Variants in TMEM63C observed in about 807,000 individuals in gnomAD.
TMEM63C encodes the protein transmembrane protein 63C, also known as osmosensitive cation channel TMEM63C.
Under a neutral mutation model 99.2 loss-of-function variants are expected in TMEM63C, and 32 were observed. The observed-to-expected ratio is 0.32, with a 90% CI of 0.24 to 0.43. The LOEUF is 0.43. Among genes scored for constraint, TMEM63C ranks in the 20% least tolerant of loss-of-function variants. The probability of loss-of-function intolerance (pLI) is 1.00; values close to 1 mark genes in which losing one functional copy is unlikely to be tolerated. For synonymous variants in TMEM63C, 376 were observed against 397.9 expected (o/e 0.94, Z 0.66); for missense variants, 826 against 1,053.0 (o/e 0.78, Z 2.98).
At chr14:77,224,439 G>A (rs1371709017) in intron 5 of TMEM63C, among the ~76,000 whole-genome samples, 1 of 152,006 alleles carries the variant, frequency 6.6e-6, no homozygotes, top group Non-Finnish European at 1.5e-5. Context: ...GACCCAAATG[G>A]GGCCAATCTA....
intron 15 of TMEM63C, among the ~76,000 whole-genome samples, chr14:77,244,081 C>A (rs1310019938): frequency 6.6e-6 from 1 of 152,076 alleles, no homozygotes; most frequent in African/African-American, 2.4e-5. Context: ...GCACTCCTGG[C>A]TAGCTCTGGC....
Position 77,242,937 on chromosome 14 carries a change from G to T in TMEM63C, c.1222G>T (p.Ala408Ser), listed in dbSNP as rs879128335. 6.2e-7 allele frequency: 1 copy of T among 1,613,980 alleles called. No individual in the cohort carries two copies. Among genetic ancestry groups the T allele is most frequent in the Non-Finnish European group, 8.5e-7 (1 of 1,179,896 alleles). ...HLSVRRFFWW[A>S]RFIAINTFLF... ...GTCTGTCCGCCGCTTCTTTTGGTGG[G>T]CCCGCTTTATCGCAATCAACACCTT... Residue 408 changes from alanine to serine, a missense_variant, in exon 15 of 24, where the codon GCC (alanine) becomes TCC (serine). Ala to Ser is a moderately conservative substitution (Grantham distance 99). Coordinates refer to ENST00000298351, the MANE Select transcript of TMEM63C (RefSeq NM_020431.4).
At chr14:77,238,239 G>A (rs1889094849) in intron 9 of TMEM63C, among the ~76,000 whole-genome samples, 1 of 152,222 alleles carries the variant, frequency 6.6e-6, no homozygotes, top group South Asian at 2.1e-4. Context: ...TCTCACGTGA[G>A]GGATTTCCCT....
intron 1 of TMEM63C, among the ~76,000 whole-genome samples, chr14:77,191,440 G>A (rs1888102680): frequency 6.6e-6 from 1 of 151,980 alleles, no homozygotes; most frequent in Admixed American, 6.6e-5. Flanking sequence ...CTGCTGTTTG[G>A]AGGAGTTTTT....
rs558667462 is a variant in TMEM63C, at chr14:77,192,626, G to A, written c.-77+10732G>A. ...AAAAGAAAGAAGAAAGCCAGGGGTG[G>A]TGGTGCGTGCCTGTAGTTGCAGCTA... is the stretch of plus-strand genomic sequence containing the variant. On this transcript the variant is annotated intron_variant, in intron 1 of 23. Coordinates refer to ENST00000298351, the MANE Select transcript of TMEM63C (RefSeq NM_020431.4). Among the ~76,000 whole-genome samples, 11 of 152,294 alleles carry A rather than the reference G, an allele frequency of 7.2e-5. No homozygotes were observed. In the South Asian group the frequency reaches 2.1e-3, roughly 29 times the overall value.
chr14:77,229,475 G>A (rs562440839), intron 6 of TMEM63C, among the ~76,000 whole-genome samples: 245 of 150,226 alleles, frequency 1.6e-3, no homozygotes, highest in African/African-American at 5.8e-3. Flanking sequence ...GTCTTGCTCT[G>A]TTCCCCAGGT....
intron 1 of TMEM63C, among the ~76,000 whole-genome samples, chr14:77,187,879 C>A (rs1594847066): frequency 6.6e-6 from 1 of 152,238 alleles, no homozygotes; most frequent in Non-Finnish European, 1.5e-5. Context: ...TAAGCCCAAC[C>A]CATCTTCTCC....
chr14:77,233,161 G>A (rs1475035066), intron 7 of TMEM63C, among the ~76,000 whole-genome samples: 3 of 152,186 alleles, frequency 2.0e-5, no homozygotes, highest in African/African-American at 7.2e-5. Context: ...GATGGCTGGT[G>A]CCTCCAACAA....
intron 1 of TMEM63C, among the ~76,000 whole-genome samples, chr14:77,212,761 C>T (rs1273021652): frequency 1.3e-5 from 2 of 152,146 alleles, no homozygotes; most frequent in Non-Finnish European, 2.9e-5. Flanking sequence ...CCTTTCTTTT[C>T]CTCCCTCACT....
Position 77,231,482 on chromosome 14 carries a change from A to C in TMEM63C, c.351-106A>C, listed in dbSNP as rs201070478. ...ATAGAGATAGTAAAAAAAAAAAAAAACTTGGGGAGGGGGTGATCATTTTCT... is the reference window on the plus strand; with the variant it reads ...ATAGAGATAGTAAAAAAAAAAAAAACCTTGGGGAGGGGGTGATCATTTTCT... On this transcript the variant is annotated intron_variant, in intron 6 of 23. Coordinates refer to ENST00000298351, the MANE Select transcript of TMEM63C (RefSeq NM_020431.4). 19 of 1,248,870 alleles carry C rather than the reference A, an allele frequency of 1.5e-5. No individual in the cohort carries two copies. The African/African-American group carries it at 2.7e-4, about 18-fold the overall frequency. 77.4% of individuals were successfully genotyped at this position (1,248,870 alleles called of 1,614,324 possible). A position where few individuals can be genotyped will look rare whatever the true frequency, so the allele number is the denominator to read the frequency against.
chr14:77,252,741 CTCTG>C (rs1474805603), intron 22 of TMEM63C, among the ~76,000 whole-genome samples: 2 of 152,214 alleles, frequency 1.3e-5, no homozygotes, highest in African/African-American at 2.4e-5. Context: ...CTTCTGGTGT[CTCTG>C]TCTGTGTCCA....
chr14:77,190,646 G>C (rs1888088380), intron 1 of TMEM63C, among the ~76,000 whole-genome samples: 1 of 152,094 alleles, frequency 6.6e-6, no homozygotes, highest in Non-Finnish European at 1.5e-5. Context: ...CAAACTAATA[G>C]CTCAAAAGAA....
At chr14:77,190,717 A>C (rs1292645602) in intron 1 of TMEM63C, among the ~76,000 whole-genome samples, 1 of 152,246 alleles carries the variant, frequency 6.6e-6, no homozygotes, top group Non-Finnish European at 1.5e-5. Flanking sequence ...ATTTGATAAA[A>C]TTCAACATGT....
intron 5 of TMEM63C, among the ~76,000 whole-genome samples, chr14:77,221,751 C>T (rs564197833): frequency 1.3e-4 from 19 of 149,038 alleles, no homozygotes; most frequent in Non-Finnish European, 2.7e-4. Context: ...ACCCAGACAA[C>T]CCTGAAGGTC....
intron 4 of TMEM63C, 122 bp downstream of exon 4, chr14:77,219,699 GC>G (rs1566622753): frequency 1.9e-5 from 19 of 1,023,584 alleles, no homozygotes; most frequent in Non-Finnish European, 2.9e-5. Context: ...AGTGGCCTCT[GC>G]CCCTGCTCTG....
Position 77,223,031 on chromosome 14 carries a change from A to G in TMEM63C, c.313-2393A>G, listed in dbSNP as rs183931889. Among the ~76,000 whole-genome samples the G allele has an allele frequency of 3.9e-3, 589 of 152,102 alleles. 7 individuals carry two copies. The highest frequency in any genetic ancestry group is 0.014 in the African/African-American group (566 of 41,464). Reference sequence around the variant, plus strand: ...AAGTAAGCGGAGCCAAATTCCTTCCATTGTCATCCCTCGAGAGGCGGGGTC... The same window carrying G: ...AAGTAAGCGGAGCCAAATTCCTTCCGTTGTCATCCCTCGAGAGGCGGGGTC... On this transcript the variant is annotated intron_variant, in intron 5 of 23. Transcript: ENST00000298351.
intron 1 of TMEM63C, among the ~76,000 whole-genome samples, chr14:77,206,134 T>C (rs1238628670): frequency 4.0e-5 from 6 of 151,862 alleles, no homozygotes; most frequent in Non-Finnish European, 8.8e-5. Flanking sequence ...TCTCTTTTGT[T>C]CTCTTCCCTA....
At chr14:77,183,368 A>G (rs1230144824) in intron 1 of TMEM63C, among the ~76,000 whole-genome samples, 5 of 152,246 alleles carry the variant, frequency 3.3e-5, no homozygotes, top group Non-Finnish European at 7.3e-5. Context: ...GAACAGCACC[A>G]GCATTTTCTC....
intron 1 of TMEM63C, among the ~76,000 whole-genome samples, chr14:77,213,110 G>A (rs1447396666): frequency 6.6e-6 from 1 of 152,164 alleles, no homozygotes; most frequent in South Asian, 2.1e-4. Context: ...TCCTCAAAAC[G>A]TTATATTCAG....
Sources: gnomAD v4.1 joint callset for allele counts (sites outside exome capture counted in the v4.1 genomes callset) on GRCh38, gnomAD v4.1.1 for gene constraint, MANE v1.5 for transcripts, NCBI Gene and HGNC (gene_info 2026-07-23, HGNC 2026-07-21) for gene names.